FTCDNL1: variants seen among roughly 807,000 people sequenced by gnomAD.
FTCDNL1 encodes the protein formiminotransferase N-terminal subdomain-containing protein.
FTCDNL1 carries 11 observed loss-of-function variants against 5.9 expected under a neutral mutation model. The ratio of observed to expected loss-of-function variants is 1.87; its 90% CI spans 1.18 to 3.10. The LOEUF is 3.10. Ranked by LOEUF, FTCDNL1 falls within the 30% of genes most tolerant of loss-of-function variation. The pLI is 0.00. For missense variants in FTCDNL1, 115 were observed against 65.5 expected, an observed-to-expected ratio of 1.76 and a Z score of -2.61; for synonymous variants, 58 against 24.8, an observed-to-expected ratio of 2.34 and a Z score of -3.99.
intron 2 of FTCDNL1, 146 bp downstream of exon 2, chr2:199,848,702 C>T (rs183858514): frequency 2.2e-5 from 12 of 556,314 alleles, no homozygotes; most frequent in South Asian, 1.5e-4. Context: ...CCTGGAGTTG[C>T]GCAGAGCTGC....
chr2:199,737,969 C>T, the FTCDNL1 span, among the ~76,000 whole-genome samples: 1 of 152,192 alleles, frequency 6.6e-6, no homozygotes, highest in Non-Finnish European at 1.5e-5. Context: ...GAAGCTGCCT[C>T]AATGACCACA....
chr2:199,698,605 T>C, the FTCDNL1 span, among the ~76,000 whole-genome samples: 2 of 152,132 alleles, frequency 1.3e-5, no homozygotes, highest in African/African-American at 4.8e-5. Flanking sequence ...CATACCAGAA[T>C]CTCTGGGACA....
At chr2:199,720,462 C>A in the FTCDNL1 span, among the ~76,000 whole-genome samples, 2 of 152,174 alleles carry the variant, frequency 1.3e-5, no homozygotes, top group Non-Finnish European at 2.9e-5. Context: ...AATGTATACT[C>A]TTCTTGTCTG....
intron 3 of FTCDNL1, among the ~76,000 whole-genome samples, chr2:199,793,484 A>G (rs1700029611): frequency 6.6e-6 from 1 of 152,166 alleles, no homozygotes; most frequent in African/African-American, 2.4e-5. Flanking sequence ...CAAAGGAATA[A>G]AAGTATTTTG....
At chr2:199,838,810 C>A (rs569989576) in intron 3 of FTCDNL1, among the ~76,000 whole-genome samples, 1 of 152,110 alleles carries the variant, frequency 6.6e-6, no homozygotes, top group Non-Finnish European at 1.5e-5. Flanking sequence ...ATGGACACAG[C>A]TGAGGGCTGG....
the FTCDNL1 span, among the ~76,000 whole-genome samples, chr2:199,712,057 G>T: frequency 6.6e-6 from 1 of 152,098 alleles, no homozygotes; most frequent in Non-Finnish European, 1.5e-5. Context: ...AGAGGTAAAA[G>T]TACCCCTACC....
intron 4 of FTCDNL1, among the ~76,000 whole-genome samples, chr2:199,814,782 T>C (rs1321992033): frequency 6.6e-6 from 1 of 152,234 alleles, no homozygotes; most frequent in Admixed American, 6.5e-5. Flanking sequence ...CGAGACTCAT[T>C]CTAAAACTAG....
the FTCDNL1 span, among the ~76,000 whole-genome samples, chr2:199,726,575 G>A: frequency 6.6e-6 from 1 of 152,082 alleles, no homozygotes; most frequent in Non-Finnish European, 1.5e-5. Context: ...GGATTTTTGT[G>A]GGTTCTTTTT....
At chr2:199,848,168 T>C (rs910459727) in intron 2 of FTCDNL1, among the ~76,000 whole-genome samples, 1 of 152,244 alleles carries the variant, frequency 6.6e-6, no homozygotes, top group Non-Finnish European at 1.5e-5. Context: ...AAATAATACC[T>C]AACCATGTGT....
the FTCDNL1 span, among the ~76,000 whole-genome samples, chr2:199,718,442 A>G: frequency 6.6e-6 from 1 of 152,266 alleles, no homozygotes; most frequent in East Asian, 1.9e-4. Flanking sequence ...AATTTGTCCT[A>G]TTCCTCACTG....
chr2:199,833,371 C>T (rs930752729), intron 3 of FTCDNL1, among the ~76,000 whole-genome samples: 7 of 91,394 alleles, frequency 7.7e-5, no homozygotes, highest in Non-Finnish European at 1.5e-4. Context: ...GACTGACAGG[C>T]AGATCTACAC....
intron 4 of FTCDNL1, among the ~76,000 whole-genome samples, chr2:199,817,999 C>G (rs189978036): frequency 1.3e-5 from 2 of 152,254 alleles, no homozygotes; most frequent in African/African-American, 4.8e-5. Context: ...ATTTTTATAT[C>G]AGGTTAAAGT....
chr2:199,745,320 C>T, the FTCDNL1 span, among the ~76,000 whole-genome samples: 83 of 152,298 alleles, frequency 5.4e-4, no homozygotes, highest in African/African-American at 2.0e-3. Flanking sequence ...ATTAAATAAC[C>T]TTTAATCAAG....
chr2:199,710,849 T>C, the FTCDNL1 span, among the ~76,000 whole-genome samples: 1 of 152,196 alleles, frequency 6.6e-6, no homozygotes, highest in Non-Finnish European at 1.5e-5. Context: ...TTCTCTTTGC[T>C]TTAGTGCAAA....
chr2:199,789,926 C>T (rs759850880), intron 3 of FTCDNL1, among the ~76,000 whole-genome samples: 5 of 152,006 alleles, frequency 3.3e-5, no homozygotes, highest in Admixed American at 6.6e-5. Flanking sequence ...AGGATGGTAA[C>T]TCTACTGAAG....
intron 3 of FTCDNL1, among the ~76,000 whole-genome samples, chr2:199,797,105 G>A (rs1488073176): frequency 6.6e-6 from 1 of 152,192 alleles, no homozygotes; most frequent in Non-Finnish European, 1.5e-5. Flanking sequence ...TAGTATGGAT[G>A]CTTATAAGCG....
chr2:199,839,389 G>T (rs981994646), intron 3 of FTCDNL1, among the ~76,000 whole-genome samples: 1 of 152,156 alleles, frequency 6.6e-6, no homozygotes, highest in Admixed American at 6.5e-5. Context: ...GCAAGTAGAC[G>T]AAATTCACCA....
At chr2:199,815,107 T>C (rs1328842074) in intron 4 of FTCDNL1, among the ~76,000 whole-genome samples, 2 of 152,228 alleles carry the variant, frequency 1.3e-5, no homozygotes, top group Admixed American at 6.5e-5. Flanking sequence ...ACCCCATAAA[T>C]GTTTAGGATT....
At chr2:199,765,677 G>A (rs1029516994) in intron 3 of FTCDNL1, among the ~76,000 whole-genome samples, 7 of 150,376 alleles carry the variant, frequency 4.7e-5, no homozygotes, top group Admixed American at 4.0e-4. Context: ...GAGTAGCTGG[G>A]ACCACAGGCG....
Sources: gnomAD v4.1 joint callset for allele counts (sites outside exome capture counted in the v4.1 genomes callset) on GRCh38, gnomAD v4.1.1 for gene constraint, MANE v1.5 for transcripts, NCBI Gene and HGNC (gene_info 2026-07-23, HGNC 2026-07-21) for gene names.